Variants in PALM2AKAP2 observed in about 807,000 individuals in gnomAD.
PALM2AKAP2 encodes PALM2-AKAP2 fusion protein.
Under a neutral mutation model 71.5 loss-of-function variants are expected in PALM2AKAP2, and 37 were observed. The ratio of observed to expected loss-of-function variants is 0.52; its 90% CI spans 0.40 to 0.68. PALM2AKAP2 has a LOEUF of 0.68. PALM2AKAP2 is among the 30% of genes least tolerant of loss of function. The probability of loss-of-function intolerance (pLI) is 0.00; values close to 1 mark genes in which losing one functional copy is unlikely to be tolerated. For missense variants in PALM2AKAP2, 1,224 were observed against 1,191.8 expected, an observed-to-expected ratio of 1.03 and a Z score of -0.40; for synonymous variants, 468 against 478.8, an observed-to-expected ratio of 0.98 and a Z score of 0.29.
At position 109,735,339 on chromosome 9, in the gene PALM2AKAP2, T is replaced by C. The variant is rs562153313; in HGVS notation, c.6-45149T>C. ...TGTAGGGAAGGACACACTGTGTATA[T>C]ATGCACATTCGCACACTTGGGATAC... On this transcript the variant is annotated intron_variant, in intron 1 of 6. Coordinates refer to the PALM2AKAP2 transcript ENST00000374531. Among the ~76,000 whole-genome samples the C allele has an allele frequency of 3.4e-4, 51 of 151,890 alleles. 1 individual carries two copies. Among genetic ancestry groups the C allele is most frequent in the African/African-American group, 1.2e-3 (49 of 41,400 alleles).
At chr9:109,905,359 G>A (rs1049883760) in intron 3 of PALM2AKAP2, among the ~76,000 whole-genome samples, 1 of 151,264 alleles carries the variant, frequency 6.6e-6, no homozygotes, top group East Asian at 2.0e-4. Flanking sequence ...CCAGGGCCAG[G>A]ATACAGATAC....
intron 1 of PALM2AKAP2, among the ~76,000 whole-genome samples, chr9:109,725,661 A>T (rs1828464244): frequency 6.6e-6 from 1 of 152,216 alleles, no homozygotes; most frequent in Non-Finnish European, 1.5e-5. Context: ...ATTAAAAATG[A>T]TGTCATAGAG....
intron 1 of PALM2AKAP2, among the ~76,000 whole-genome samples, chr9:109,820,643 T>C (rs1827970278): frequency 6.6e-6 from 1 of 152,256 alleles, no homozygotes; most frequent in Admixed American, 6.5e-5. Context: ...AGCTGCTTCC[T>C]TGGCGTCTGA....
At chr9:109,754,191 C>A (rs1828925014) in intron 1 of PALM2AKAP2, among the ~76,000 whole-genome samples, 1 of 152,122 alleles carries the variant, frequency 6.6e-6, no homozygotes, top group Non-Finnish European at 1.5e-5. Context: ...TCCAAGGTAG[C>A]TTGGACTCTT....
chr9:109,827,472 G>A (rs1277020536), intron 1 of PALM2AKAP2, among the ~76,000 whole-genome samples: 4 of 152,106 alleles, frequency 2.6e-5, no homozygotes, highest in Non-Finnish European at 5.9e-5. Context: ...AGCCAGGCAT[G>A]GTGGGGTATG....
intron 1 of PALM2AKAP2, among the ~76,000 whole-genome samples, chr9:109,659,992 T>A (rs1172683843): frequency 6.6e-6 from 1 of 151,930 alleles, no homozygotes; most frequent in African/African-American, 2.4e-5. Context: ...AGGCATGCAC[T>A]ACTGCACTCA....
chr9:109,823,078 G>C (rs1254207165), intron 1 of PALM2AKAP2, among the ~76,000 whole-genome samples: 3 of 152,182 alleles, frequency 2.0e-5, no homozygotes, highest in Non-Finnish European at 4.4e-5. Context: ...ACATCAGAGA[G>C]ACTCTCGTCA....
At chr9:109,867,354 G>A (rs1829479046) in intron 1 of PALM2AKAP2, 137 bp from the exon 2 acceptor site, 1 of 916,004 alleles carries the variant, frequency 1.1e-6, no homozygotes, top group African/African-American at 1.7e-5. Context: ...CGGTGGGGCA[G>A]GTGACACTGC....
At chr9:109,782,126 C>T (rs1045767471) in intron 1 of PALM2AKAP2, among the ~76,000 whole-genome samples, 1 of 152,224 alleles carries the variant, frequency 6.6e-6, no homozygotes, top group Non-Finnish European at 1.5e-5. Context: ...GACTTGCTTT[C>T]CAAACATGGA....
intron 1 of PALM2AKAP2, chr9:110,125,469 T>A (rs1027489751): frequency 1.0e-6 from 1 of 980,340 alleles, no homozygotes; most frequent in African/African-American, 1.8e-5. Context: ...GGGCCCACGG[T>A]GACATCACAG....
At chr9:109,947,131 A>G (rs1831528965) in intron 6 of PALM2AKAP2, among the ~76,000 whole-genome samples, 1 of 152,240 alleles carries the variant, frequency 6.6e-6, no homozygotes, top group African/African-American at 2.4e-5. Context: ...GAGCCTTCTG[A>G]GCAATCTTAG....
At chr9:109,948,167 A>G (rs1468953911) in intron 6 of PALM2AKAP2, among the ~76,000 whole-genome samples, 1 of 152,200 alleles carries the variant, frequency 6.6e-6, no homozygotes, top group Non-Finnish European at 1.5e-5. Context: ...CACAATGCAG[A>G]TATGTATCTG....
chr9:109,985,032 C>T (rs1380117945), intron 6 of PALM2AKAP2, among the ~76,000 whole-genome samples: 1 of 151,862 alleles, frequency 6.6e-6, no homozygotes, highest in African/African-American at 2.4e-5. Flanking sequence ...AAAAATTAGC[C>T]AGGCATGGTG....
intron 4 of PALM2AKAP2, among the ~76,000 whole-genome samples, chr9:109,924,278 A>G (rs1053359805): frequency 6.6e-6 from 1 of 152,258 alleles, no homozygotes; most frequent in African/African-American, 2.4e-5. Context: ...AGTGGACAAG[A>G]ATTCCAAATA....
At chr9:109,955,932 C>T (rs1262049909) in intron 6 of PALM2AKAP2, among the ~76,000 whole-genome samples, 4 of 151,620 alleles carry the variant, frequency 2.6e-5, no homozygotes. Flanking sequence ...CAAGACTCCT[C>T]TGTCTTAAAA....
chr9:109,966,425 A>G (rs1186345332), intron 6 of PALM2AKAP2, among the ~76,000 whole-genome samples: 1 of 152,214 alleles, frequency 6.6e-6, no homozygotes, highest in African/African-American at 2.4e-5. Context: ...TAGTACTGCT[A>G]ATGTTCTAAT....
chr9:109,955,615 G>T (rs1338645365), intron 6 of PALM2AKAP2, among the ~76,000 whole-genome samples: 21 of 151,448 alleles, frequency 1.4e-4, no homozygotes, highest in Non-Finnish European at 1.5e-5. Flanking sequence ...TCATGTGGTT[G>T]TAGAATACTA....
At chr9:109,830,473 T>G (rs1044915985) in intron 1 of PALM2AKAP2, among the ~76,000 whole-genome samples, 3 of 152,152 alleles carry the variant, frequency 2.0e-5, no homozygotes, top group Admixed American at 6.6e-5. Flanking sequence ...CTGATCTAGG[T>G]CCAACTGCCA....
chr9:109,931,461 A>C (rs1831099299), intron 5 of PALM2AKAP2, among the ~76,000 whole-genome samples: 1 of 152,252 alleles, frequency 6.6e-6, no homozygotes, highest in African/African-American at 2.4e-5. Context: ...ATAAAGCTAT[A>C]TTGCCAGTTC....
Sources: gnomAD v4.1 joint callset for allele counts (sites outside exome capture counted in the v4.1 genomes callset) on GRCh38, gnomAD v4.1.1 for gene constraint, MANE v1.5 for transcripts, NCBI Gene and HGNC (gene_info 2026-07-23, HGNC 2026-07-21) for gene names.